Variants in SLC13A2 observed in about 807,000 individuals in gnomAD.
SLC13A2 encodes the protein Na(+)-coupled citrate transporter.
Under a neutral mutation model 58.5 loss-of-function variants are expected in SLC13A2, and 40 were observed. The observed-to-expected ratio is 0.68, with a 90% confidence interval of 0.53 to 0.89. SLC13A2 has a LOEUF of 0.89. Ranked by LOEUF, SLC13A2 falls within the 40% of genes least tolerant of loss-of-function variation. SLC13A2 has a pLI of 0.00. For missense variants in SLC13A2, 694 were observed against 772.6 expected (o/e 0.90, Z 1.21); for synonymous variants, 341 against 331.6 (o/e 1.03, Z -0.31).
chr17:28,475,363 T>C (rs1455780972), intron 1 of SLC13A2, among the ~76,000 whole-genome samples: 1 of 152,166 alleles, frequency 6.6e-6, no homozygotes, highest in Non-Finnish European at 1.5e-5. Context: ...TGGTCCTGTC[T>C]AGGAGAGGCC....
intron 1 of SLC13A2, among the ~76,000 whole-genome samples, chr17:28,480,111 G>A (rs1279196338): frequency 1.3e-5 from 2 of 149,932 alleles, no homozygotes; most frequent in African/African-American, 2.5e-5. Flanking sequence ...CCAAGATCAC[G>A]CCACTGCACT....
chr17:28,480,597 T>C (rs574020623), intron 1 of SLC13A2, among the ~76,000 whole-genome samples: 1 of 152,308 alleles, frequency 6.6e-6, no homozygotes, highest in African/African-American at 2.4e-5. Context: ...TGACCGAGCC[T>C]CTTCAAACCC....
In SLC13A2 at chr17:28,496,336, G is replaced by T; in HGVS notation, c.1471-114G>T. ...GAGAAGAGGTGGGCTCATGACCAGA[G>T]AGTGTATTAGGGTACAGGGGTTGTT... On this transcript the variant is annotated intron_variant, in intron 10 of 11. Coordinates refer to ENST00000314669, the MANE Select transcript of SLC13A2 (RefSeq NM_003984.4). The surrounding 1 kb of genome is among the most constrained non-coding windows in gnomAD (Gnocchi z 4.2). 1 of 1,348,754 alleles carries T rather than the reference G, an allele frequency of 7.4e-7. No homozygotes were observed. Among genetic ancestry groups the T allele is most frequent in the Non-Finnish European group, 9.9e-7 (1 of 1,011,586 alleles). The allele number at this position is 1,348,754 out of a possible 1,614,324, so 83.5% of individuals were successfully genotyped here. A position where few individuals can be genotyped will look rare whatever the true frequency, so the allele number is the denominator to read the frequency against.
chr17:28,479,420 G>C (rs553460427), intron 1 of SLC13A2, among the ~76,000 whole-genome samples: 2 of 152,212 alleles, frequency 1.3e-5, no homozygotes, highest in East Asian at 3.9e-4. Context: ...AGAGGGTTGA[G>C]GTCAGCCAAT....
chr17:28,487,824 G>A (rs2068912014), intron 1 of SLC13A2, among the ~76,000 whole-genome samples: 1 of 152,198 alleles, frequency 6.6e-6, no homozygotes, highest in South Asian at 2.1e-4. Context: ...GAGGTTTGGT[G>A]GAAAGAGAGC....
intron 1 of SLC13A2, among the ~76,000 whole-genome samples, chr17:28,480,874 C>T (rs545937642): frequency 6.6e-6 from 1 of 152,234 alleles, no homozygotes; most frequent in African/African-American, 2.4e-5. Flanking sequence ...TGGTCACCCA[C>T]CAGATTGGTG....
chr17:28,477,378 TA>T (rs2068699782), intron 1 of SLC13A2, among the ~76,000 whole-genome samples: 1 of 151,466 alleles, frequency 6.6e-6, no homozygotes, highest in Non-Finnish European at 1.5e-5. Flanking sequence ...GTATTTTTAG[TA>T]GAGACGGGGT....
intron 1 of SLC13A2, among the ~76,000 whole-genome samples, chr17:28,482,448 T>G (rs1281143360): frequency 1.3e-5 from 2 of 152,208 alleles, no homozygotes; most frequent in Non-Finnish European, 2.9e-5. Flanking sequence ...GAATGCTTCA[T>G]CAGGCTGCCA....
At position 28,491,844 on chromosome 17, in the gene SLC13A2, G is replaced by T; in HGVS notation, c.870G>T (p.Leu290=). Residue 290 remains leucine (L), a synonymous_variant, in exon 6 of 12, where the codon CTG becomes CTT. Transcript: ENST00000314669. The stretch of plus-strand genomic sequence containing the variant: ...GGTTGTGGCTGCAGATCCTCTTCCT[G>T]GGCTTCAAGTAAGTGGCAAAGTTGG... ...LAWLWLQILF[L]GFNFRKNFGI... The T allele has an allele frequency of 6.2e-7, 1 of 1,613,926 alleles. No homozygotes were observed. Among genetic ancestry groups the T allele is most frequent in the East Asian group, 2.2e-5 (1 of 44,872 alleles).
In SLC13A2 at chr17:28,479,473, T is replaced by C. The variant is rs373851919; in HGVS notation, c.102+5659T>C. 5.3e-5 allele frequency among the ~76,000 whole-genome samples: 8 copies of C among 152,136 alleles called. No homozygotes were observed. In the East Asian group the frequency reaches 1.3e-3, roughly 26 times the overall value. ...ACAGGGAGGAGTAGGGATTTTGTGC[T>C]GTGAGCATTAAGGGGTGAATAACTT... On this transcript the variant is annotated intron_variant, in intron 1 of 11. Coordinates refer to ENST00000314669, the MANE Select transcript of SLC13A2 (RefSeq NM_003984.4).
chr17:28,495,988 G>T (rs781912737), intron 10 of SLC13A2, among the ~76,000 whole-genome samples, 172 bp downstream of exon 10: 1 of 152,114 alleles, frequency 6.6e-6, no homozygotes, highest in East Asian at 1.9e-4. Context: ...TGGGCCCCAA[G>T]GCGCTTTGGC....
intron 5 of SLC13A2, 56 bp from the exon 6 acceptor site, chr17:28,491,674 T>C (rs2069026794): frequency 1.2e-6 from 2 of 1,607,932 alleles, no homozygotes; most frequent in East Asian, 2.2e-5. Context: ...GGGAGGTGAA[T>C]GGGGCTGGGC....
intron 1 of SLC13A2, among the ~76,000 whole-genome samples, chr17:28,487,859 GC>G (rs1428337163): frequency 1.3e-5 from 2 of 152,192 alleles, no homozygotes; most frequent in Admixed American, 6.5e-5. Context: ...ATTTGGTGGG[GC>G]TATGTGCAGT....
rs1555602566 is a variant in SLC13A2, at chr17:28,489,204, C to T, written c.103-10C>T. ...CTCTGACAGCTCTGCCGCTTCTCTC[C>T]CACCTGCAGGAGGCCTACTGCGCGT... On this transcript the variant is annotated splice_polypyrimidine_tract_variant and intron_variant, in intron 1 of 11. Coordinates refer to ENST00000314669, the MANE Select transcript of SLC13A2 (RefSeq NM_003984.4). The T allele has an allele frequency of 1.9e-6, 3 of 1,612,762 alleles. No homozygotes were observed. The highest frequency in any genetic ancestry group is 2.5e-6 in the Non-Finnish European group (3 of 1,179,774).
At chr17:28,476,637 C>T (rs925898947) in intron 1 of SLC13A2, among the ~76,000 whole-genome samples, 2 of 152,142 alleles carry the variant, frequency 1.3e-5, no homozygotes, top group Admixed American at 6.6e-5. Context: ...TAGGTTTCAG[C>T]TTAAATCCAC....
chr17:28,491,866 T>G lies in SLC13A2; in HGVS notation c.878+14T>G, dbSNP rs916691918. 1.2e-5 allele frequency: 20 copies of G among 1,613,366 alleles called. No homozygotes were observed. The highest frequency in any genetic ancestry group is 1.7e-5 in the Non-Finnish European group (20 of 1,179,496). ...CCTGGGCTTCAAGTAAGTGGCAAAG[T>G]TGGTGAGAGAAGCCCAGGTCCCTGC... On this transcript the variant is annotated intron_variant, in intron 6 of 11. Transcript: ENST00000314669.
At chr17:28,479,348 C>T (rs537833767) in intron 1 of SLC13A2, among the ~76,000 whole-genome samples, 2 of 152,268 alleles carry the variant, frequency 1.3e-5, no homozygotes, top group Admixed American at 1.3e-4. Context: ...GCCAGTGTGG[C>T]TTTGGGGGCT....
intron 6 of SLC13A2, 37 bp downstream of exon 6, chr17:28,491,889 T>G: frequency 6.2e-7 from 1 of 1,605,880 alleles, no homozygotes; most frequent in Non-Finnish European, 8.5e-7. Flanking sequence ...CCCAGGTCCC[T>G]GCCCTTAGCC....
intron 1 of SLC13A2, among the ~76,000 whole-genome samples, chr17:28,479,377 G>T (rs902443785): frequency 6.6e-6 from 1 of 151,998 alleles, no homozygotes; most frequent in Non-Finnish European, 1.5e-5. Flanking sequence ...GCCTTAAGAG[G>T]CCTCACTAGA....
Sources: gnomAD v4.1 joint callset for allele counts (sites outside exome capture counted in the v4.1 genomes callset) on GRCh38, gnomAD v4.1.1 for gene constraint, Gnocchi (gnomAD v3.1) non-coding constraint, MANE v1.5 for transcripts, NCBI Gene and HGNC (gene_info 2026-07-23, HGNC 2026-07-21) for gene names.